COL4A3: variants seen among roughly 807,000 people sequenced by gnomAD.
COL4A3 encodes collagen type IV alpha 3 chain.
Under a neutral mutation model 217.4 loss-of-function variants are expected in COL4A3, and 135 were observed. The observed-to-expected ratio is 0.62, with a 90% confidence interval of 0.54 to 0.72. The LOEUF (loss-of-function observed/expected upper bound fraction) is 0.72. Among genes scored for constraint, COL4A3 ranks in the 30% least tolerant of loss-of-function variants. COL4A3 has a pLI of 0.00. For synonymous variants in COL4A3, 690 were observed against 736.3 expected (o/e 0.94, Z 1.02); for missense variants, 1,868 against 2,119.9 (o/e 0.88, Z 2.33).
intron 42 of COL4A3, among the ~76,000 whole-genome samples, chr2:227,298,308 C>T (rs927446135): frequency 2.6e-5 from 4 of 152,058 alleles, no homozygotes; most frequent in Admixed American, 1.3e-4. Flanking sequence ...GCTGAGATTG[C>T]GCCACTGCAC....
At chr2:227,226,945 G>A (rs13028299) in intron 1 of COL4A3, among the ~76,000 whole-genome samples, 71,858 of 152,134 alleles carry the variant, frequency 0.47, 17,170 homozygotes, top group Admixed American at 0.53. Context: ...TAACAAGAGA[G>A]AAAATAAATA....
chr2:227,207,391 C>G (rs1463488426), intron 1 of COL4A3, among the ~76,000 whole-genome samples: 3 of 152,028 alleles, frequency 2.0e-5, no homozygotes, highest in African/African-American at 7.2e-5. Context: ...TGTTTATTTC[C>G]CTACATTCTC....
intron 1 of COL4A3, among the ~76,000 whole-genome samples, chr2:227,205,640 C>T (rs1296500447): frequency 1.3e-5 from 2 of 151,540 alleles, no homozygotes; most frequent in Non-Finnish European, 2.9e-5. Flanking sequence ...AAATATTTAT[C>T]AATAATAGTA....
intron 47 of COL4A3, chr2:227,305,537 T>C: frequency 6.2e-6 from 1 of 161,834 alleles, no homozygotes; most frequent in East Asian, 1.7e-4. Context: ...TTCATGGTGG[T>C]GGGTGCCTGT....
chr2:227,293,757 A>C (rs1221835357), intron 38 of COL4A3: 1 of 469,566 alleles, frequency 2.1e-6, no homozygotes, highest in Non-Finnish European at 4.4e-6. Context: ...AGCAGCTCCG[A>C]GTCTGTGATC....
chr2:227,212,171 G>C (rs1367325784), intron 1 of COL4A3, among the ~76,000 whole-genome samples: 2 of 143,752 alleles, frequency 1.4e-5, no homozygotes, highest in Non-Finnish European at 3.0e-5. Context: ...GTTTTTTTTT[G>C]TCTTTTTCTT....
intron 1 of COL4A3, among the ~76,000 whole-genome samples, chr2:227,171,147 G>C (rs769548081): frequency 1.6e-4 from 24 of 152,284 alleles, no homozygotes; most frequent in Non-Finnish European, 2.8e-4. Context: ...CTAGCACCCA[G>C]AAGTCACCCT....
chr2:227,274,800 A>G (rs576502769), intron 26 of COL4A3, among the ~76,000 whole-genome samples: 2 of 152,278 alleles, frequency 1.3e-5, no homozygotes, highest in Admixed American at 6.5e-5. Context: ...TGCCTGGCCG[A>G]AGGAGGCTGC....
chr2:227,291,435 C>T (rs1189914489), intron 37 of COL4A3, among the ~76,000 whole-genome samples: 1 of 150,140 alleles, frequency 6.7e-6, no homozygotes, highest in African/African-American at 2.5e-5. Context: ...TTTTGGCGGG[C>T]GCCTGTAGTC....
intron 24 of COL4A3, 50 bp downstream of exon 24, chr2:227,270,030 A>G: frequency 6.7e-7 from 1 of 1,485,454 alleles, no homozygotes; most frequent in Non-Finnish European, 9.4e-7. Flanking sequence ...CAAATTGCAC[A>G]CTCTAGAAAT....
rs1479345853 is a variant in COL4A3, at chr2:227,164,906, A to G, written c.87+93A>G. The stretch of plus-strand genomic sequence containing the variant: ...CTGGCCCCACCCGCAGCGGCGCGGT[A>G]GTGGAGCGGCTGCCGGGCTAGTGGC... On this transcript the variant is annotated intron_variant, in intron 1 of 51. Coordinates refer to ENST00000396578, the MANE Select transcript of COL4A3 (RefSeq NM_000091.5). The surrounding 1 kb of genome is among the most constrained non-coding windows in gnomAD (Gnocchi z 4.8). 2.2e-6 allele frequency: 3 copies of G among 1,354,298 alleles called. No homozygotes were observed. The highest frequency in any genetic ancestry group is 2.9e-6 in the Non-Finnish European group (3 of 1,046,980). The allele number at this position is 1,354,298 out of a possible 1,614,324, so 83.9% of individuals were successfully genotyped here. A position where few individuals can be genotyped will look rare whatever the true frequency, so the allele number is the denominator to read the frequency against.
At chr2:227,193,302 C>T (rs2066313614) in intron 1 of COL4A3, among the ~76,000 whole-genome samples, 1 of 152,212 alleles carries the variant, frequency 6.6e-6, no homozygotes, top group South Asian at 2.1e-4. Flanking sequence ...AAAACAACGA[C>T]AGCAAAAGGC....
At position 227,313,788 on chromosome 2, in the gene COL4A3, T is replaced by C. The variant is rs767668198; in HGVS notation, c.*1918T>C. The stretch of plus-strand genomic sequence containing the variant: ...ATGTCTTATTGTCCCAAGTGTACTA[T>C]AGCGGCATATAGAGCTAGCTAATCT... On this transcript the variant is annotated 3_prime_UTR_variant, in exon 52 of 52. Coordinates refer to ENST00000396578, the MANE Select transcript of COL4A3 (RefSeq NM_000091.5). The C allele has an allele frequency of 1.3e-5, 2 of 152,284 alleles. No individual in the cohort carries two copies. Among genetic ancestry groups the C allele is most frequent in the South Asian group, 4.1e-4 (2 of 4,834 alleles). The allele number at this position is 152,284 out of a possible 1,614,324, so 9.4% of individuals were successfully genotyped here.
chr2:227,254,259 GTT>G (rs11412904), intron 14 of COL4A3, 85 bp downstream of exon 14: 45 of 994,762 alleles, frequency 4.5e-5, no homozygotes, highest in African/African-American at 2.7e-4. Flanking sequence ...GTCTTAAGTT[GTT>G]TTTTTTTTTA....
intron 11 of COL4A3, 120 bp downstream of exon 11, chr2:227,251,491 C>A: frequency 1.1e-6 from 1 of 904,738 alleles, no homozygotes; most frequent in Non-Finnish European, 1.8e-6. Flanking sequence ...ACAAGGATCC[C>A]TAGCAGGGAA....
intron 2 of COL4A3, 139 bp from the exon 3 acceptor site, chr2:227,240,004 A>G: frequency 1.2e-6 from 1 of 831,896 alleles, no homozygotes; most frequent in Non-Finnish European, 2.0e-6. Context: ...AGTGCTAATT[A>G]TGATTTTTTT....
At chr2:227,254,553 G>A in intron 14 of COL4A3, 103 bp from the exon 15 acceptor site, 1 of 937,530 alleles carries the variant, frequency 1.1e-6, no homozygotes, top group Non-Finnish European at 1.8e-6. Context: ...ACTGAAACAT[G>A]TTTTTAAATG....
rs73080101 is a variant in COL4A3 at position 227,278,756 on chromosome 2, G to A, written c.2126-1037G>A. On this transcript the variant is annotated intron_variant, in intron 28 of 51. Coordinates refer to ENST00000396578, the MANE Select transcript of COL4A3 (RefSeq NM_000091.5). ...AGAAGACTGTTGACTGTGGGAACCAGAACTAGCCCAAGAGCTCCTTGAAAG... is the reference window on the plus strand; with the variant it reads ...AGAAGACTGTTGACTGTGGGAACCAAAACTAGCCCAAGAGCTCCTTGAAAG... 3.4e-3 allele frequency among the ~76,000 whole-genome samples: 511 copies of A among 152,312 alleles called. 9 individuals are homozygous for A. Among genetic ancestry groups the A allele is most frequent in the African/African-American group, 0.012 (488 of 41,580 alleles).
intron 41 of COL4A3, chr2:227,296,534 TC>T (rs1233246693): frequency 3.1e-6 from 3 of 974,494 alleles, no homozygotes; most frequent in Non-Finnish European, 3.7e-6. Context: ...AAGGTATGAA[TC>T]CTTTTAATTA....
Sources: gnomAD v4.1 joint callset for allele counts (sites outside exome capture counted in the v4.1 genomes callset) on GRCh38, gnomAD v4.1.1 for gene constraint, Gnocchi (gnomAD v3.1) non-coding constraint, MANE v1.5 for transcripts, NCBI Gene and HGNC (gene_info 2026-07-23, HGNC 2026-07-21) for gene names.